The following ABCG2 variants were observed in gnomAD, a reference collection of about 807,000 sequenced individuals.
ABCG2 encodes ATP binding cassette subfamily G member 2 (JR blood group).
Under a neutral mutation model 73.5 loss-of-function variants are expected in ABCG2, and 80 were observed. The ratio of observed to expected loss-of-function variants is 1.09; its 90% CI spans 0.91 to 1.31. The LOEUF (loss-of-function observed/expected upper bound fraction) is 1.31, where lower values mean the gene tolerates loss of function less well. ABCG2 is among the 50% of genes most tolerant of loss of function. The pLI, the probability that ABCG2 is intolerant of heterozygous loss-of-function variation, is 0.00. For synonymous variants in ABCG2, 269 were observed against 282.4 expected, an observed-to-expected ratio of 0.95 and a Z score of 0.48; for missense variants, 796 against 786.2, an observed-to-expected ratio of 1.01 and a Z score of -0.15.
intron 1 of ABCG2, among the ~76,000 whole-genome samples, chr4:88,216,386 G>T (rs530966748): frequency 6.6e-6 from 1 of 152,200 alleles, no homozygotes; most frequent in East Asian, 1.9e-4. Flanking sequence ...GATGGTGGAG[G>T]TTCTCAAAAA....
At chr4:88,185,337 C>T (rs1234464778) in intron 1 of ABCG2, among the ~76,000 whole-genome samples, 1 of 152,198 alleles carries the variant, frequency 6.6e-6, no homozygotes, top group African/African-American at 2.4e-5. Flanking sequence ...GCACTCCAGC[C>T]TGGACAACAA....
At chr4:88,198,279 G>A (rs1187303311) in intron 1 of ABCG2, among the ~76,000 whole-genome samples, 2 of 152,146 alleles carry the variant, frequency 1.3e-5, no homozygotes, top group Non-Finnish European at 2.9e-5. Flanking sequence ...GTTGCAGTGA[G>A]TTGAGATTGT....
chr4:88,131,546 G>C (rs1024782646), intron 4 of ABCG2, among the ~76,000 whole-genome samples: 6 of 152,136 alleles, frequency 3.9e-5, no homozygotes, highest in African/African-American at 1.4e-4. Flanking sequence ...AGGCAAAAAA[G>C]GATAACAGTA....
chr4:88,228,261 C>T (rs527665357), intron 1 of ABCG2, among the ~76,000 whole-genome samples: 2 of 152,200 alleles, frequency 1.3e-5, no homozygotes, highest in Admixed American at 6.5e-5. Flanking sequence ...AGTAGACAGC[C>T]GGACTGAGGG....
rs551136312 is a variant in ABCG2 at position 88,111,226 on chromosome 4, A to G, written c.1194+2077T>C. On this transcript the variant is annotated intron_variant, in intron 9 of 15. Transcript: ENST00000237612. ...GTAAGAAAAATCTAATGCATACATC[A>G]CACTAAAAAAGCAATTCATTACATT... Among the ~76,000 whole-genome samples the G allele has an allele frequency of 2.1e-3, 291 of 137,480 alleles. 2 individuals carry two copies. The highest frequency in any genetic ancestry group is 6.8e-3 in the African/African-American group (277 of 40,746). The allele number at this position is 137,480 out of a possible 152,430, so 90.2% of individuals were successfully genotyped here. A position where few individuals can be genotyped will look rare whatever the true frequency, so the allele number is the denominator to read the frequency against.
intron 1 of ABCG2, among the ~76,000 whole-genome samples, chr4:88,208,935 G>A (rs944950574): frequency 2.0e-5 from 3 of 152,172 alleles, no homozygotes; most frequent in Non-Finnish European, 4.4e-5. Flanking sequence ...CTGGGAGGCG[G>A]AGGTTACAGT....
At chr4:88,098,583 A>G (rs1383585) in intron 12 of ABCG2, among the ~76,000 whole-genome samples, 12,108 of 150,204 alleles carry the variant, frequency 0.081, 740 homozygotes, top group East Asian at 0.26. Context: ...ATATTTAATC[A>G]TTCTATATAT....
intron 1 of ABCG2, among the ~76,000 whole-genome samples, chr4:88,196,826 G>A (rs1728954672): frequency 6.6e-6 from 1 of 150,556 alleles, no homozygotes; most frequent in African/African-American, 2.4e-5. Flanking sequence ...GGACTGCGCA[G>A]GGAAATTTAA....
upstream of ABCG2, chr4:88,159,170 G>A (rs1396371285): frequency 2.2e-6 from 1 of 456,324 alleles, no homozygotes; most frequent in Admixed American, 2.3e-5. Context: ...GATTAACTAC[G>A]AGAATCACCA....
At position 88,097,533 on chromosome 4, in the gene ABCG2, T is replaced by TG; in HGVS notation, c.1566dup (p.Met523HisfsTer62). The TG allele has an allele frequency of 6.2e-7, 1 of 1,614,196 alleles. No individual in the cohort carries two copies. The highest frequency in any genetic ancestry group is 1.1e-5 in the South Asian group (1 of 91,080). On this transcript the variant is annotated frameshift_variant, in exon 13 of 16. Coordinates refer to ENST00000237612, the MANE Select transcript of ABCG2 (RefSeq NM_004827.3). LOFTEE classifies it high-confidence loss of function. ...TGACCTGCTGCTATGGCCAGTGCCA[T>TG]GGAACTGGCTGAATAAGCCACCATC...
intron 1 of ABCG2, among the ~76,000 whole-genome samples, chr4:88,153,400 G>A (rs988800979): frequency 1.1e-4 from 17 of 151,978 alleles, no homozygotes; most frequent in Admixed American, 2.6e-4. Context: ...GTATTTTGTC[G>A]CATTCCGAAG....
At chr4:88,131,276 G>C (rs1724856220) in intron 4 of ABCG2, 63 bp from the exon 5 acceptor site, 1 of 1,508,440 alleles carries the variant, frequency 6.6e-7, no homozygotes, top group African/African-American at 1.4e-5. Flanking sequence ...GACCATGACT[G>C]TTTAGTATAC....
intron 1 of ABCG2, among the ~76,000 whole-genome samples, chr4:88,166,696 A>G (rs541811497): frequency 2.0e-5 from 3 of 152,342 alleles, no homozygotes; most frequent in African/African-American, 7.2e-5. Flanking sequence ...ATGTGAAGGT[A>G]AAGGGTTAGA....
At chr4:88,117,398 C>T (rs1238745540) in intron 7 of ABCG2, among the ~76,000 whole-genome samples, 3 of 151,610 alleles carry the variant, frequency 2.0e-5, no homozygotes, top group South Asian at 2.1e-4. Context: ...GTTGGGAGGC[C>T]GAGGTGGCAG....
chr4:88,130,467 T>C (rs940354394), intron 5 of ABCG2, among the ~76,000 whole-genome samples: 1 of 152,068 alleles, frequency 6.6e-6, no homozygotes, highest in Non-Finnish European at 1.5e-5. Flanking sequence ...TATTTCATTA[T>C]ATATTACAAT....
chr4:88,208,651 T>C (rs1729468475), intron 1 of ABCG2, among the ~76,000 whole-genome samples: 1 of 152,222 alleles, frequency 6.6e-6, no homozygotes. Flanking sequence ...TTTCTAGGGA[T>C]AGCAGCCTCA....
rs1046501427 is a variant in ABCG2, at chr4:88,180,450, C to T, written c.-19-40436G>A. ...AGTACTGCAATCTGAAAGAAAAAAA[C>T]GTTGGCCAGGTACAGTGGCTCATGC... is the stretch of plus-strand genomic sequence containing the variant. On this transcript the variant is annotated intron_variant, in intron 1 of 15. Coordinates refer to the ABCG2 transcript ENST00000515655. Among the ~76,000 whole-genome samples the T allele has an allele frequency of 1.2e-4, 19 of 152,140 alleles. 1 individual carries two copies. Among genetic ancestry groups the T allele is most frequent in the Admixed American group, 9.8e-4 (15 of 15,272 alleles).
chr4:88,174,249 T>A (rs1727868604), intron 1 of ABCG2, among the ~76,000 whole-genome samples: 1 of 152,010 alleles, frequency 6.6e-6, no homozygotes, highest in Non-Finnish European at 1.5e-5. Context: ...GGTTTGCGGT[T>A]CCTATCAACC....
At chr4:88,139,544 T>C (rs567881510) in intron 2 of ABCG2, among the ~76,000 whole-genome samples, 1 of 152,330 alleles carries the variant, frequency 6.6e-6, no homozygotes, top group South Asian at 2.1e-4. Context: ...TGAGCCACCA[T>C]ATCCAGCCAC....
Sources: gnomAD v4.1 joint callset for allele counts (sites outside exome capture counted in the v4.1 genomes callset) on GRCh38, gnomAD v4.1.1 for gene constraint, MANE v1.5 for transcripts, NCBI Gene and HGNC (gene_info 2026-07-23, HGNC 2026-07-21) for gene names.